The following PODXL variants were observed in gnomAD, a reference collection of about 807,000 sequenced individuals.
The protein encoded by PODXL is podocalyxin like.
In PODXL, 20 loss-of-function variants were observed where a neutral mutation model predicts 48.9. The ratio of observed to expected loss-of-function variants is 0.41; its 90% CI spans 0.29 to 0.59. The LOEUF (loss-of-function observed/expected upper bound fraction) is 0.59. Among genes scored for constraint, PODXL ranks in the 20% least tolerant of loss-of-function variants. The pLI is 0.31. For missense variants in PODXL, 606 were observed against 675.1 expected (o/e 0.90, Z 1.13); for synonymous variants, 295 against 287.4 (o/e 1.03, Z -0.27).
At chr7:131,550,805 A>G (rs551899812) in intron 1 of PODXL, among the ~76,000 whole-genome samples, 1 of 152,096 alleles carries the variant, frequency 6.6e-6, no homozygotes, top group African/African-American at 2.4e-5. Flanking sequence ...ACACACGCAC[A>G]CACACGTGTG....
At chr7:131,521,114 G>A (rs1707613989) in intron 1 of PODXL, among the ~76,000 whole-genome samples, 1 of 150,094 alleles carries the variant, frequency 6.7e-6, no homozygotes, top group South Asian at 2.1e-4. Flanking sequence ...ACTACACTGA[G>A]CTGAGATTGT....
chr7:131,507,081 AGG>A (rs1382449325), intron 5 of PODXL, among the ~76,000 whole-genome samples: 1 of 152,050 alleles, frequency 6.6e-6, no homozygotes, highest in Non-Finnish European at 1.5e-5. Flanking sequence ...CGGGCTAGAG[AGG>A]GGGCACTGCA....
chr7:131,547,374 C>CAAAA (rs10683140), intron 1 of PODXL, among the ~76,000 whole-genome samples: 5,185 of 68,826 alleles, frequency 0.075, 647 homozygotes, highest in African/African-American at 0.17. Flanking sequence ...AACTCCGTCT[C>CAAAA]AAAAAAAAAA....
At chr7:131,520,873 A>T (rs1798080968) in intron 1 of PODXL, among the ~76,000 whole-genome samples, 1 of 152,254 alleles carries the variant, frequency 6.6e-6, no homozygotes, top group African/African-American at 2.4e-5. Context: ...TGACTACAAG[A>T]AAAAAGCTGA....
intron 1 of PODXL, among the ~76,000 whole-genome samples, chr7:131,512,137 G>A (rs1012383045): frequency 6.6e-6 from 1 of 152,212 alleles, no homozygotes; most frequent in African/African-American, 2.4e-5. Context: ...TCAGTACTAG[G>A]TGAGCTGTGC....
chr7:131,506,012 T>G lies in PODXL; in HGVS notation c.1335A>C (p.Leu445=). The change falls in exon 8 of 9, where the codon CTA becomes CTC. Residue 445 remains leucine, a synonymous_variant. Coordinates refer to ENST00000378555, the MANE Select transcript of PODXL (RefSeq NM_001018111.3). ...LKEAGVSDMK[L]GDQGPPEEAE... ...CCTCCTCCGGTGGCCCCTGGTCCCC[T>G]AGCTTCATGTCACTGACCCCTGCCT... 6.2e-7 allele frequency: 1 copy of G among 1,612,622 alleles called. No individual in the cohort carries two copies. Among genetic ancestry groups the G allele is most frequent in the South Asian group, 1.1e-5 (1 of 90,684 alleles).
intron 1 of PODXL, chr7:131,519,993 G>A (rs887440577): frequency 5.8e-6 from 1 of 172,836 alleles, no homozygotes; most frequent in Middle Eastern, 2.5e-3. Flanking sequence ...CCAAAGTGCT[G>A]GGACTACAGA....
intron 1 of PODXL, among the ~76,000 whole-genome samples, chr7:131,548,977 G>C (rs1327187497): frequency 6.6e-6 from 1 of 152,214 alleles, no homozygotes; most frequent in Non-Finnish European, 1.5e-5. Flanking sequence ...TTATGGAACA[G>C]CTACTTTGAG....
At chr7:131,516,582 T>G (rs1797999785) in intron 1 of PODXL, among the ~76,000 whole-genome samples, 1 of 152,172 alleles carries the variant, frequency 6.6e-6, no homozygotes, top group Non-Finnish European at 1.5e-5. Flanking sequence ...ACTCATGCTC[T>G]GGTGTGTCAT....
chr7:131,515,098 T>C (rs1486119001), intron 1 of PODXL, among the ~76,000 whole-genome samples: 1 of 152,198 alleles, frequency 6.6e-6, no homozygotes, highest in Non-Finnish European at 1.5e-5. Context: ...CCCTTTCCAG[T>C]TGTAACCATG....
intron 1 of PODXL, among the ~76,000 whole-genome samples, chr7:131,526,739 C>CCTTTTT (rs776086173): frequency 7.7e-5 from 7 of 90,498 alleles, no homozygotes; most frequent in Non-Finnish European, 1.4e-4. Flanking sequence ...CTTCCTTACT[C>CCTTTTT]TTTTTTTTTT....
intron 1 of PODXL, among the ~76,000 whole-genome samples, chr7:131,517,167 G>A (rs879367021): frequency 6.8e-4 from 104 of 152,298 alleles, no homozygotes; most frequent in Middle Eastern, 6.8e-3. Context: ...ATGTTAATAG[G>A]AAATGCTGCT....
chr7:131,506,485 G>T, intron 6 of PODXL, 94 bp downstream of exon 6: 1 of 1,452,602 alleles, frequency 6.9e-7, no homozygotes, highest in Non-Finnish European at 9.6e-7. Context: ...AACTGAAGGG[G>T]CACCACTGTG....
In PODXL at chr7:131,556,298, G is replaced by C. The variant is rs866945618; in HGVS notation, c.62C>G (p.Pro21Arg). 2 of 1,501,350 alleles carry C rather than the reference G, an allele frequency of 1.3e-6. No individual in the cohort carries two copies. The highest frequency in any genetic ancestry group is 2.9e-5 in the African/African-American group (2 of 69,326). 93.0% of individuals were successfully genotyped at this position (1,501,350 alleles called of 1,614,324 possible). Residue 21 changes from proline to arginine, a missense_variant, in exon 1 of 9, where the codon CCG becomes CGG. Physicochemically the swap from Pro to Arg is moderately radical, Grantham distance 103 (BLOSUM62 -2). Transcript: ENST00000378555. ...CGACGGCGACGGCGACGGCGACGACGGCAGCAGCGGCGGCGTTGACAACAG... is the reference window on the plus strand; with the variant it reads ...CGACGGCGACGGCGACGGCGACGACCGCAGCAGCGGCGGCGTTGACAACAG... ...LLLLSTPPLL[P>R]SSPSPSPSPS...
At chr7:131,548,471 G>A (rs946287112) in intron 1 of PODXL, among the ~76,000 whole-genome samples, 2 of 152,228 alleles carry the variant, frequency 1.3e-5, no homozygotes, top group Non-Finnish European at 2.9e-5. Flanking sequence ...GTGACTAGAA[G>A]TGTCACATGT....
chr7:131,517,048 G>A (rs1310435686), intron 1 of PODXL, among the ~76,000 whole-genome samples: 1 of 152,038 alleles, frequency 6.6e-6, no homozygotes, highest in Non-Finnish European at 1.5e-5. Context: ...TAAAATAATA[G>A]TGCATCCTAT....
chr7:131,532,959 G>C (rs149636936), intron 1 of PODXL, among the ~76,000 whole-genome samples: 85 of 152,272 alleles, frequency 5.6e-4, no homozygotes, highest in African/African-American at 2.0e-3. Context: ...TCAGCCCCCA[G>C]ATCTGTGAGA....
At chr7:131,521,082 T>C (rs1224956259) in intron 1 of PODXL, among the ~76,000 whole-genome samples, 3 of 150,516 alleles carry the variant, frequency 2.0e-5, no homozygotes, top group Non-Finnish European at 4.4e-5. Flanking sequence ...GCAGGAGATT[T>C]ACTTGAACCC....
intron 1 of PODXL, among the ~76,000 whole-genome samples, chr7:131,522,972 A>G (rs531233858): frequency 6.6e-6 from 1 of 152,360 alleles, no homozygotes; most frequent in South Asian, 2.1e-4. Flanking sequence ...GCTATTATGC[A>G]TAATGCTGCT....
Sources: gnomAD v4.1 joint callset for allele counts (sites outside exome capture counted in the v4.1 genomes callset) on GRCh38, gnomAD v4.1.1 for gene constraint, MANE v1.5 for transcripts, NCBI Gene and HGNC (gene_info 2026-07-23, HGNC 2026-07-21) for gene names.